NLGN1: variants seen among roughly 807,000 people sequenced by gnomAD.
NLGN1 encodes neuroligin-1.
Under a neutral mutation model 65.5 loss-of-function variants are expected in NLGN1, and 12 were observed. The ratio of observed to expected loss-of-function variants is 0.18; its 90% CI spans 0.12 to 0.30. NLGN1 has a LOEUF of 0.30. Ranked by LOEUF, NLGN1 falls within the 10% of genes least tolerant of loss-of-function variation. The pLI is 1.00. For synonymous variants in NLGN1, 350 were observed against 359.5 expected (o/e 0.97, Z 0.30); for missense variants, 750 against 1,007.1 (o/e 0.74, Z 3.46).
intron 3 of NLGN1, among the ~76,000 whole-genome samples, chr3:173,769,028 C>T (rs939923115): frequency 6.6e-6 from 1 of 152,144 alleles, no homozygotes; most frequent in African/African-American, 2.4e-5. Flanking sequence ...ATCAGCCTCC[C>T]AAACTACTGG....
chr3:174,007,728 A>G (rs2152435956), intron 4 of NLGN1, among the ~76,000 whole-genome samples: 2 of 152,354 alleles, frequency 1.3e-5, no homozygotes, highest in East Asian at 3.9e-4. Flanking sequence ...TTACATATGT[A>G]ATCCCACTAA....
chr3:173,457,662 T>C (rs1722718491), intron 2 of NLGN1, among the ~76,000 whole-genome samples: 1 of 152,130 alleles, frequency 6.6e-6, no homozygotes, highest in African/African-American at 2.4e-5. Flanking sequence ...GAAACAGGAA[T>C]GATGTCACGG....
At chr3:174,237,552 G>A (rs573883446) in intron 4 of NLGN1, among the ~76,000 whole-genome samples, 89 of 152,054 alleles carry the variant, frequency 5.9e-4, no homozygotes, top group Middle Eastern at 3.4e-3. Flanking sequence ...TAAATATTTG[G>A]TTAGGATACA....
At chr3:173,947,625 AATC>A (rs1337388987) in intron 4 of NLGN1, among the ~76,000 whole-genome samples, 1 of 152,198 alleles carries the variant, frequency 6.6e-6, no homozygotes, top group East Asian at 1.9e-4. Flanking sequence ...AACATCTTCA[AATC>A]ATCAACATTA....
At chr3:173,431,864 G>T (rs73883134) in intron 1 of NLGN1, among the ~76,000 whole-genome samples, 1,763 of 152,128 alleles carry the variant, frequency 0.012, 37 homozygotes, top group African/African-American at 0.04. Context: ...ATCCTCTAGG[G>T]CTCTATGGTC....
intron 2 of NLGN1, among the ~76,000 whole-genome samples, chr3:173,493,273 A>G (rs1729478979): frequency 6.6e-6 from 1 of 151,814 alleles, no homozygotes; most frequent in Non-Finnish European, 1.5e-5. Flanking sequence ...TATGAACCAC[A>G]GTCCCTGCCT....
At chr3:174,017,160 T>C (rs1207183604) in intron 4 of NLGN1, among the ~76,000 whole-genome samples, 1 of 152,146 alleles carries the variant, frequency 6.6e-6, no homozygotes, top group Non-Finnish European at 1.5e-5. Flanking sequence ...GAAAGATGAA[T>C]GTAGTTAAAC....
chr3:173,509,352 C>A (rs1194435904), intron 2 of NLGN1, among the ~76,000 whole-genome samples: 1 of 152,118 alleles, frequency 6.6e-6, no homozygotes. Context: ...GTTCCCATTA[C>A]TCTTTCTAGA....
At chr3:174,012,839 G>A (rs1390758077) in intron 4 of NLGN1, among the ~76,000 whole-genome samples, 1 of 152,168 alleles carries the variant, frequency 6.6e-6, no homozygotes, top group Non-Finnish European at 1.5e-5. Context: ...AAGTGATATA[G>A]TAGACATGTT....
At chr3:173,956,605 C>G (rs900824228) in intron 4 of NLGN1, among the ~76,000 whole-genome samples, 1 of 152,100 alleles carries the variant, frequency 6.6e-6, no homozygotes, top group Non-Finnish European at 1.5e-5. Flanking sequence ...CCTTTCTGCC[C>G]TGGTGCCTGT....
intron 3 of NLGN1, among the ~76,000 whole-genome samples, chr3:173,721,552 T>C (rs1770840907): frequency 2.0e-5 from 3 of 152,202 alleles, no homozygotes; most frequent in Admixed American, 2.0e-4. Context: ...ATTATAATAA[T>C]GTCTTCAGAG....
chr3:173,721,826 A>G (rs774102730), intron 3 of NLGN1, among the ~76,000 whole-genome samples: 13 of 152,138 alleles, frequency 8.5e-5, no homozygotes, highest in South Asian at 4.2e-4. Flanking sequence ...GAACCATTTA[A>G]TCATTTTAAT....
intron 3 of NLGN1, among the ~76,000 whole-genome samples, chr3:173,636,614 A>C (rs933622118): frequency 2.0e-5 from 3 of 152,134 alleles, no homozygotes; most frequent in African/African-American, 4.8e-5. Context: ...TTCCCAGCCA[A>C]GAAAATTGAG....
At chr3:174,136,264 A>G (rs1321702162) in intron 4 of NLGN1, among the ~76,000 whole-genome samples, 1 of 152,174 alleles carries the variant, frequency 6.6e-6, no homozygotes, top group African/African-American at 2.4e-5. Context: ...ACATAGCAAT[A>G]CATACTATTG....
At chr3:174,006,506 A>C (rs1179010593) in intron 4 of NLGN1, among the ~76,000 whole-genome samples, 1 of 152,166 alleles carries the variant, frequency 6.6e-6, no homozygotes, top group Non-Finnish European at 1.5e-5. Flanking sequence ...CTTGACACAC[A>C]AACATGATCT....
chr3:174,277,055 C>G (rs1022953959), intron 5 of NLGN1, among the ~76,000 whole-genome samples: 2 of 151,838 alleles, frequency 1.3e-5, no homozygotes, highest in African/African-American at 4.8e-5. Flanking sequence ...GCATGGTAAA[C>G]AGTAGGAAAT....
intron 4 of NLGN1, among the ~76,000 whole-genome samples, chr3:173,815,769 C>G (rs1345529780): frequency 1.3e-5 from 2 of 152,124 alleles, no homozygotes; most frequent in Non-Finnish European, 2.9e-5. Context: ...AAAACCATGT[C>G]TTCAAGACTA....
intron 3 of NLGN1, among the ~76,000 whole-genome samples, chr3:173,667,239 G>GCACACACACACA (rs3032837): frequency 0.064 from 9,391 of 147,388 alleles, 391 homozygotes; most frequent in Middle Eastern, 0.12. Flanking sequence ...ACACGCATAT[G>GCACACACACACA]CACACACACA....
intron 4 of NLGN1, among the ~76,000 whole-genome samples, chr3:173,901,715 G>A (rs1478839313): frequency 6.6e-6 from 1 of 151,982 alleles, no homozygotes; most frequent in Non-Finnish European, 1.5e-5. Flanking sequence ...GAAATGATCT[G>A]AATTTACACA....
Sources: gnomAD v4.1 joint callset for allele counts (sites outside exome capture counted in the v4.1 genomes callset) on GRCh38, gnomAD v4.1.1 for gene constraint, MANE v1.5 for transcripts, NCBI Gene and HGNC (gene_info 2026-07-23, HGNC 2026-07-21) for gene names.